TMCC1: variants seen among roughly 807,000 people sequenced by gnomAD.
TMCC1 encodes transmembrane and coiled-coil domain family 1.
In TMCC1, 15 loss-of-function variants were observed where a neutral mutation model predicts 52.4. The ratio of observed to expected loss-of-function variants is 0.29; its 90% confidence interval spans 0.19 to 0.44. TMCC1 has a LOEUF of 0.44. TMCC1 is among the 20% of genes least tolerant of loss of function. The pLI, the probability that TMCC1 is intolerant of heterozygous loss-of-function variation, is 1.00. For missense variants in TMCC1, 503 were observed against 806.0 expected (o/e 0.62, Z 4.55); for synonymous variants, 279 against 301.9 (o/e 0.92, Z 0.79).
intron 5 of TMCC1, among the ~76,000 whole-genome samples, chr3:129,669,829 C>G (rs531507240): frequency 2.3e-4 from 35 of 152,244 alleles, no homozygotes; most frequent in Middle Eastern, 6.8e-3. Context: ...CTTGTAGAAC[C>G]ATTTCATGTT....
chr3:129,756,966 T>A (rs1341192833), intron 4 of TMCC1, among the ~76,000 whole-genome samples: 1 of 152,200 alleles, frequency 6.6e-6, no homozygotes, highest in African/African-American at 2.4e-5. Flanking sequence ...TCAGCATTCA[T>A]CCTTAGGCTT....
chr3:129,744,272 C>T (rs1354676160), intron 4 of TMCC1, among the ~76,000 whole-genome samples: 1 of 152,068 alleles, frequency 6.6e-6, no homozygotes, highest in African/African-American at 2.4e-5. Context: ...TTTTAGAAAC[C>T]TCAATACAAC....
At chr3:129,848,702 T>C (rs549229372) in intron 2 of TMCC1, among the ~76,000 whole-genome samples, 3 of 152,284 alleles carry the variant, frequency 2.0e-5, no homozygotes, top group East Asian at 3.9e-4. Context: ...AACTTTAAAT[T>C]CATGTCCACT....
intron 6 of TMCC1, 79 bp downstream of exon 6, chr3:129,654,889 C>A (rs1349473104): frequency 6.4e-7 from 1 of 1,555,490 alleles, no homozygotes; most frequent in Non-Finnish European, 8.7e-7. Context: ...ACCTTCTCAT[C>A]TTTTTTCCTT....
At chr3:129,829,980 G>A (rs921323997) in intron 3 of TMCC1, among the ~76,000 whole-genome samples, 1 of 152,132 alleles carries the variant, frequency 6.6e-6, no homozygotes, top group African/African-American at 2.4e-5. Flanking sequence ...TAACAGAGGA[G>A]CATAAACAGG....
chr3:129,673,725 C>A (rs1477853089), intron 4 of TMCC1, among the ~76,000 whole-genome samples: 1 of 152,028 alleles, frequency 6.6e-6, no homozygotes, highest in East Asian at 1.9e-4. Flanking sequence ...GTGGCACATG[C>A]CTGGAGTCCC....
At chr3:129,688,318 G>GCTT in intron 4 of TMCC1, 1 of 985,206 alleles carries the variant, frequency 1.0e-6, no homozygotes, top group Non-Finnish European at 1.2e-6. Flanking sequence ...ATTTGTTCCA[G>GCTT]CTTCCAAACT....
chr3:129,859,651 T>TACACACACACAC (rs59213877), intron 2 of TMCC1, among the ~76,000 whole-genome samples: 32 of 148,792 alleles, frequency 2.2e-4, no homozygotes, highest in African/African-American at 7.7e-4. Context: ...CACACACACA[T>TACACACACACAC]ACACACACAC....
At chr3:129,723,846 G>A (rs927029365) in intron 4 of TMCC1, among the ~76,000 whole-genome samples, 1 of 151,336 alleles carries the variant, frequency 6.6e-6, no homozygotes, top group African/African-American at 2.4e-5. Flanking sequence ...TATTTCCTTT[G>A]TCTGTCTATT....
intron 4 of TMCC1, among the ~76,000 whole-genome samples, chr3:129,759,710 C>CTTTTTTTTTTTT (rs61519484): frequency 1.3e-4 from 5 of 37,194 alleles, no homozygotes; most frequent in African/African-American, 5.6e-4. Flanking sequence ...GCCAGCCAAA[C>CTTTTTTTTTTTT]TTTTTTTTTT....
chr3:129,890,743 C>T (rs969971569), intron 1 of TMCC1, among the ~76,000 whole-genome samples: 3 of 152,194 alleles, frequency 2.0e-5, no homozygotes, highest in Non-Finnish European at 4.4e-5. Flanking sequence ...CTTTCATATT[C>T]GTAAGAATTT....
chr3:129,721,972 T>C (rs1047877767), intron 4 of TMCC1, among the ~76,000 whole-genome samples: 6 of 152,244 alleles, frequency 3.9e-5, no homozygotes, highest in African/African-American at 9.6e-5. Context: ...ATCTAGATTG[T>C]TATATTAAAA....
chr3:129,798,387 G>A (rs2056981305), intron 4 of TMCC1, among the ~76,000 whole-genome samples: 1 of 152,106 alleles, frequency 6.6e-6, no homozygotes, highest in Non-Finnish European at 1.5e-5. Flanking sequence ...TCCTAGGAAT[G>A]TAAGAAGGAT....
rs1214773382 is a variant in TMCC1 at position 129,830,765 on chromosome 3, T to C, written c.-131+2009A>G. Among the ~76,000 whole-genome samples, 3 of 152,312 alleles carry C rather than the reference T, an allele frequency of 2.0e-5. No individual in the cohort carries two copies. In the East Asian group the frequency reaches 5.8e-4, roughly 29 times the overall value. ...TGAGGATCATTCTACTTGTCTCATA[T>C]GCAAAGGTACTAGGAATTTATTACT... On this transcript the variant is annotated intron_variant, in intron 3 of 6. Coordinates refer to ENST00000393238, the MANE Select transcript of TMCC1 (RefSeq NM_001017395.5).
At chr3:129,890,693 C>A (rs886531224) in intron 1 of TMCC1, among the ~76,000 whole-genome samples, 6 of 152,200 alleles carry the variant, frequency 3.9e-5, no homozygotes, top group African/African-American at 1.4e-4. Context: ...AATTTATTTC[C>A]TCTTGCTCTT....
At chr3:129,779,070 GAATTCCATGAATTACAGCAC>G (rs2055298665) in intron 4 of TMCC1, among the ~76,000 whole-genome samples, 1 of 151,910 alleles carries the variant, frequency 6.6e-6, no homozygotes, top group African/African-American at 2.4e-5. Context: ...AATTCATTCA[GAATTCCATGAATTACAGCAC>G]AACATTCTCT....
intron 4 of TMCC1, among the ~76,000 whole-genome samples, chr3:129,768,787 T>G (rs2107696192): frequency 6.6e-6 from 1 of 152,372 alleles, no homozygotes; most frequent in South Asian, 2.1e-4. Context: ...TTATGTAATC[T>G]TCAAGGTCTC....
intron 4 of TMCC1, among the ~76,000 whole-genome samples, chr3:129,794,069 A>G (rs925593775): frequency 1.3e-5 from 2 of 152,234 alleles, no homozygotes; most frequent in Non-Finnish European, 1.5e-5. Context: ...ATTCTATCTC[A>G]GGAGCAAACT....
chr3:129,835,114 C>T (rs1024310874), intron 2 of TMCC1, among the ~76,000 whole-genome samples: 16 of 152,196 alleles, frequency 1.1e-4, no homozygotes, highest in African/African-American at 3.6e-4. Flanking sequence ...TCTTTTGCAC[C>T]TCATTTATGC....
Sources: gnomAD v4.1 joint callset for allele counts (sites outside exome capture counted in the v4.1 genomes callset) on GRCh38, gnomAD v4.1.1 for gene constraint, MANE v1.5 for transcripts, NCBI Gene and HGNC (gene_info 2026-07-23, HGNC 2026-07-21) for gene names.